AGAP1: variants seen among roughly 807,000 people sequenced by gnomAD.
AGAP1 encodes the protein ArfGAP with GTPase domain, ankyrin repeat and PH domain 1.
AGAP1 carries 29 observed loss-of-function variants against 105.3 expected under a neutral mutation model. The ratio of observed to expected loss-of-function variants is 0.28; its 90% CI spans 0.21 to 0.38. AGAP1 has a LOEUF of 0.38. Ranked by LOEUF, AGAP1 falls within the 10% of genes least tolerant of loss-of-function variation. The pLI is 1.00. For missense variants in AGAP1, 998 were observed against 1,165.1 expected, an observed-to-expected ratio of 0.86 and a Z score of 2.09; for synonymous variants, 509 against 485.9, an observed-to-expected ratio of 1.05 and a Z score of -0.63.
intron 1 of AGAP1, among the ~76,000 whole-genome samples, chr2:235,627,774 A>G (rs1946690774): frequency 6.6e-6 from 1 of 152,060 alleles, no homozygotes; most frequent in Non-Finnish European, 1.5e-5. Flanking sequence ...GCTCATGTCT[A>G]TTGCTGAGAA....
intron 6 of AGAP1, among the ~76,000 whole-genome samples, chr2:235,773,703 A>C (rs1955636138): frequency 6.6e-6 from 1 of 152,152 alleles, no homozygotes; most frequent in African/African-American, 2.4e-5. Context: ...CAGTGGTTGG[A>C]CCTGGGAATG....
Position 235,577,604 on chromosome 2 carries a change from C to A in AGAP1, c.163+82755C>A, listed in dbSNP as rs1020861979. ...TGCCCGGAGCATGGCTGTGTGGCTG[C>A]CTGACTACATGGTTCTTCCCCCGGT... On this transcript the variant is annotated intron_variant, in intron 1 of 17. Transcript: ENST00000304032. This position sits in a 1 kb window ranked among gnomAD's most constrained non-coding sequence, Gnocchi z 4.5. 6.6e-6 allele frequency among the ~76,000 whole-genome samples: 1 copy of A among 152,064 alleles called. No homozygotes were observed. The highest frequency in any genetic ancestry group is 1.5e-5 in the Non-Finnish European group (1 of 68,010).
At chr2:236,017,928 G>C (rs2056761100) in intron 13 of AGAP1, among the ~76,000 whole-genome samples, 1 of 152,166 alleles carries the variant, frequency 6.6e-6, no homozygotes, top group Admixed American at 6.5e-5. Context: ...TCTCTTGACT[G>C]TGGGACCTGC....
rs76801091 is a variant in AGAP1 at position 235,812,740 on chromosome 2, C to T, written c.1050+5409C>T. Reference sequence around the variant, plus strand: ...TGGAGAGAGGAGCTCCACAGGCCTGCGGCCTCTCTGCGTAGGCAGAGGTTT... The same window carrying T: ...TGGAGAGAGGAGCTCCACAGGCCTGTGGCCTCTCTGCGTAGGCAGAGGTTT... On this transcript the variant is annotated intron_variant, in intron 9 of 17. Transcript: ENST00000304032. 5.5e-3 allele frequency among the ~76,000 whole-genome samples: 833 copies of T among 152,332 alleles called. 8 individuals are homozygous for T. Among genetic ancestry groups the T allele is most frequent in the African/African-American group, 0.019 (774 of 41,584 alleles).
chr2:235,812,201 C>T (rs1378529772), intron 9 of AGAP1, among the ~76,000 whole-genome samples: 3 of 152,228 alleles, frequency 2.0e-5, no homozygotes, highest in Admixed American at 1.3e-4. Flanking sequence ...TGACCTTGAA[C>T]CCTGATGTCA....
chr2:235,777,825 A>G lies in AGAP1; in HGVS notation c.674-19934A>G, dbSNP rs1955996860. On this transcript the variant is annotated intron_variant, in intron 6 of 17. Transcript: ENST00000304032. This position sits in a 1 kb window ranked among gnomAD's most constrained non-coding sequence, Gnocchi z 5.1. ...AGTTGACACATACAGAGATAGAACA[A>G]ATATGGCAAAGGACTTGTATTTATT... 6.6e-6 allele frequency among the ~76,000 whole-genome samples: 1 copy of G among 152,194 alleles called. No individual in the cohort carries two copies. Among genetic ancestry groups the G allele is most frequent in the African/African-American group, 2.4e-5 (1 of 41,456 alleles).
intron 12 of AGAP1, among the ~76,000 whole-genome samples, chr2:235,938,899 T>TA (rs2053118585): frequency 1.3e-5 from 2 of 152,190 alleles, no homozygotes; most frequent in South Asian, 4.2e-4. Context: ...GGGCGATTTT[T>TA]AAAAATACTT....
chr2:235,945,821 G>A (rs746424654), intron 12 of AGAP1, among the ~76,000 whole-genome samples: 4 of 121,734 alleles, frequency 3.3e-5, no homozygotes, highest in East Asian at 2.0e-4. Flanking sequence ...CTTGGCTTCC[G>A]GGGGGGTGCC....
intron 3 of AGAP1, among the ~76,000 whole-genome samples, chr2:235,717,993 T>G (rs1199993435): frequency 6.6e-6 from 1 of 152,226 alleles, no homozygotes; most frequent in East Asian, 1.9e-4. Flanking sequence ...ATATTGAATT[T>G]ATACATAATT....
rs576785149 is a variant in AGAP1, at chr2:236,113,899, G to A, written c.2115-6293G>A. On this transcript the variant is annotated intron_variant, in intron 16 of 17. Coordinates refer to ENST00000304032, the MANE Select transcript of AGAP1 (RefSeq NM_001037131.3). The surrounding 1 kb of genome is among the most constrained non-coding windows in gnomAD (Gnocchi z 4.3). ...CCACCTTTACCTCTTCTTTTAGGCAGGAAGAGAAGCAAATATAAAATACGA... is the reference window on the plus strand; with the variant it reads ...CCACCTTTACCTCTTCTTTTAGGCAAGAAGAGAAGCAAATATAAAATACGA... Among the ~76,000 whole-genome samples, 5 of 152,270 alleles carry A rather than the reference G, an allele frequency of 3.3e-5. No individual in the cohort carries two copies. The East Asian group carries it at 9.7e-4, about 29-fold the overall frequency.
intron 6 of AGAP1, among the ~76,000 whole-genome samples, chr2:235,784,625 A>G (rs1427110215): frequency 1.3e-5 from 2 of 151,094 alleles, no homozygotes; most frequent in Non-Finnish European, 2.9e-5. Context: ...AACCATGAAA[A>G]GTTTCTCTCT....
rs183882801 is a variant in AGAP1, at chr2:235,752,631, C to T, written c.673+2143C>T. On this transcript the variant is annotated intron_variant, in intron 6 of 17. Transcript: ENST00000304032. The surrounding 1 kb of genome is among the most constrained non-coding windows in gnomAD (Gnocchi z 4.3). ...CTCTGGCCCCGTGCAGAGAGCTTGC[C>T]GGTCCCCGATGCAGGATATCAGGGA... 1.7e-3 allele frequency among the ~76,000 whole-genome samples: 262 copies of T among 152,264 alleles called. 3 individuals are homozygous for T. The East Asian group carries it at 0.019, about 11-fold the overall frequency.
intron 1 of AGAP1, among the ~76,000 whole-genome samples, chr2:235,657,888 A>T (rs1036757973): frequency 1.3e-5 from 2 of 152,180 alleles, no homozygotes; most frequent in Non-Finnish European, 2.9e-5. Context: ...TAAGAAGAGG[A>T]GATTAAGACG....
chr2:235,700,799 CTG>C lies in AGAP1; in HGVS notation c.164-8378_164-8377del, dbSNP rs1950209125. On this transcript the variant is annotated intron_variant, in intron 1 of 17. Transcript: ENST00000304032. This position sits in a 1 kb window ranked among gnomAD's most constrained non-coding sequence, Gnocchi z 6.1. ...TGGGCGACAAAGCGAGAATCTGTCT[CTG>C]TCTCTCTCTCTCTCTCTCTGTGTAT... 6.6e-6 allele frequency among the ~76,000 whole-genome samples: 1 copy of C among 150,880 alleles called. No homozygotes were observed. The highest frequency in any genetic ancestry group is 1.5e-5 in the Non-Finnish European group (1 of 67,866).
Position 236,101,750 on chromosome 2 carries a change from C to T in AGAP1, c.2115-18442C>T, listed in dbSNP as rs1428934029. ...GATGGCGGCTGCACCAGCAGAGCCGCCGTGGGCTTCATGCCACGTTACGCG... is the reference window on the plus strand; with the variant it reads ...GATGGCGGCTGCACCAGCAGAGCCGTCGTGGGCTTCATGCCACGTTACGCG... On this transcript the variant is annotated intron_variant, in intron 16 of 17. Coordinates refer to ENST00000304032, the MANE Select transcript of AGAP1 (RefSeq NM_001037131.3). This position sits in a 1 kb window ranked among gnomAD's most constrained non-coding sequence, Gnocchi z 4.9. Among the ~76,000 whole-genome samples, 1 of 152,222 alleles carries T rather than the reference C, an allele frequency of 6.6e-6. No homozygotes were observed. Among genetic ancestry groups the T allele is most frequent in the African/African-American group, 2.4e-5 (1 of 41,456 alleles).
rs1010165190 is a variant in AGAP1 at position 235,714,773 on chromosome 2, ATGTT to A, written c.223-2774_223-2771del. Among the ~76,000 whole-genome samples, 6 of 151,802 alleles carry A rather than the reference ATGTT, an allele frequency of 4.0e-5. No individual in the cohort carries two copies. In the South Asian group the frequency reaches 6.3e-4, roughly 16 times the overall value. On this transcript the variant is annotated intron_variant, in intron 2 of 17. Transcript: ENST00000304032. The surrounding 1 kb of genome is among the most constrained non-coding windows in gnomAD (Gnocchi z 4.1). Reference sequence around the variant, plus strand: ...TGTCATGCCAAATTTGTTCTCTTATATGTTTGTTTGTTTTCTTTTTTGTTGTTGT... The same window carrying A: ...TGTCATGCCAAATTTGTTCTCTTATATGTTTGTTTTCTTTTTTGTTGTTGT...
chr2:235,930,765 G>A lies in AGAP1; in HGVS notation c.1325G>A (p.Gly442Glu), dbSNP rs2052684805. The A allele has an allele frequency of 1.9e-6, 3 of 1,613,344 alleles. No homozygotes were observed. Among genetic ancestry groups the A allele is most frequent in the Admixed American group, 1.7e-5 (1 of 59,948 alleles). Residue 442 changes from glycine (G) to glutamate (E), a missense_variant and splice_region_variant, in exon 12 of 18, where the codon GGG becomes GAG. Coordinates refer to ENST00000304032, the MANE Select transcript of AGAP1 (RefSeq NM_001037131.3). This position sits in a 1 kb window ranked among gnomAD's most constrained non-coding sequence, Gnocchi z 7.9. ...MSSLHISPNS[G>E]NVTSASGSQM... ...GTTCACCTGACTTGTTTATTCCTAG[G>A]GAATGTCACTAGTGCATCTGGGTCT... is the stretch of plus-strand genomic sequence containing the variant.
chr2:236,043,880 G>T (rs2057636945), intron 15 of AGAP1, among the ~76,000 whole-genome samples: 2 of 152,180 alleles, frequency 1.3e-5, no homozygotes, highest in South Asian at 4.1e-4. Flanking sequence ...ACTCTGGAAG[G>T]TTAGCACCAG....
chr2:235,711,088 C>G (rs1471682874), intron 2 of AGAP1, among the ~76,000 whole-genome samples: 2 of 152,214 alleles, frequency 1.3e-5, no homozygotes, highest in Non-Finnish European at 2.9e-5. Flanking sequence ...CACCGCACTG[C>G]CTGACAGAAC....
Sources: allele counts gnomAD v4.1 joint callset (sites outside exome capture counted in the v4.1 genomes callset), GRCh38; gene constraint gnomAD v4.1.1; non-coding constraint Gnocchi (gnomAD v3.1); transcripts MANE v1.5; gene names NCBI Gene and HGNC (gene_info 2026-07-23, HGNC 2026-07-21).